Variants in SYNDIG1 observed in about 807,000 individuals in gnomAD.
SYNDIG1 encodes the protein synapse differentiation-inducing gene protein 1.
SYNDIG1 carries 9 observed loss-of-function variants against 19.4 expected under a neutral mutation model. The ratio of observed to expected loss-of-function variants is 0.46; its 90% CI spans 0.28 to 0.81. The LOEUF (loss-of-function observed/expected upper bound fraction) is 0.81, where lower values mean the gene tolerates loss of function less well. Ranked by LOEUF, SYNDIG1 falls within the 30% of genes least tolerant of loss-of-function variation. The pLI is 0.12. For synonymous variants in SYNDIG1, 141 were observed against 145.9 expected (o/e 0.97, Z 0.24); for missense variants, 311 against 343.3 (o/e 0.91, Z 0.74).
chr20:24,553,932 T>C (rs1394198945), intron 2 of SYNDIG1, among the ~76,000 whole-genome samples: 1 of 152,256 alleles, frequency 6.6e-6, no homozygotes, highest in East Asian at 1.9e-4. Context: ...TGTTTCTTCC[T>C]ACCCATGAGC....
intron 3 of SYNDIG1, among the ~76,000 whole-genome samples, chr20:24,628,564 T>C (rs2059193245): frequency 6.6e-6 from 1 of 152,184 alleles, no homozygotes; most frequent in African/African-American, 2.4e-5. Context: ...AGAAAGGCAA[T>C]ATCAATGCAT....
At chr20:24,548,766 C>T (rs1207105524) in intron 2 of SYNDIG1, among the ~76,000 whole-genome samples, 1 of 152,128 alleles carries the variant, frequency 6.6e-6, no homozygotes, top group Non-Finnish European at 1.5e-5. Context: ...TGTGAGTGAA[C>T]GAACATCCTT....
intron 3 of SYNDIG1, among the ~76,000 whole-genome samples, chr20:24,624,544 T>C (rs1033548388): frequency 6.6e-6 from 1 of 152,026 alleles, no homozygotes; most frequent in Non-Finnish European, 1.5e-5. Context: ...AGTCAAAACA[T>C]GAGGCAAAAA....
chr20:24,591,097 TGTGTGTG>T (rs2058503939), intron 3 of SYNDIG1, among the ~76,000 whole-genome samples: 1 of 152,000 alleles, frequency 6.6e-6, no homozygotes, highest in Non-Finnish European at 1.5e-5. Context: ...TGTGTGTGTG[TGTGTGTG>T]TGTGCACTTT....
chr20:24,663,330 G>A (rs910861000), intron 3 of SYNDIG1, among the ~76,000 whole-genome samples: 17 of 152,284 alleles, frequency 1.1e-4, no homozygotes, highest in East Asian at 1.9e-4. Flanking sequence ...GTCCCCCAGC[G>A]TGGAGAATGA....
intron 2 of SYNDIG1, among the ~76,000 whole-genome samples, chr20:24,557,899 G>A (rs1036924539): frequency 1.1e-4 from 16 of 152,342 alleles, no homozygotes; most frequent in South Asian, 4.1e-4. Flanking sequence ...GCTGTAGACC[G>A]GAGCTGTTCC....
At chr20:24,604,130 T>C (rs2058719146) in intron 3 of SYNDIG1, among the ~76,000 whole-genome samples, 1 of 152,234 alleles carries the variant, frequency 6.6e-6, no homozygotes, top group African/African-American at 2.4e-5. Context: ...TTCTTTTTTT[T>C]TCAAAGTTGT....
chr20:24,546,169 A>C (rs937805354), intron 2 of SYNDIG1, among the ~76,000 whole-genome samples: 2 of 152,234 alleles, frequency 1.3e-5, no homozygotes, highest in South Asian at 4.1e-4. Flanking sequence ...AAACATTCTT[A>C]CAGTATAGCT....
At chr20:24,616,347 AC>A (rs2058931955) in intron 3 of SYNDIG1, among the ~76,000 whole-genome samples, 1 of 151,982 alleles carries the variant, frequency 6.6e-6, no homozygotes, top group Non-Finnish European at 1.5e-5. Flanking sequence ...CCTCCTTCCC[AC>A]CCAGCTCAAG....
intron 1 of SYNDIG1, among the ~76,000 whole-genome samples, chr20:24,485,444 C>G (rs1331464497): frequency 6.6e-6 from 1 of 152,146 alleles, no homozygotes; most frequent in Non-Finnish European, 1.5e-5. Context: ...TTCCATCTCT[C>G]TCCAATGTTT....
intron 3 of SYNDIG1, among the ~76,000 whole-genome samples, chr20:24,587,511 G>A (rs1052675770): frequency 1.3e-5 from 2 of 152,360 alleles, no homozygotes; most frequent in South Asian, 2.1e-4. Flanking sequence ...TTTACAGCCC[G>A]CACCGCAGAT....
At chr20:24,661,473 G>GGAGTTA (rs2059592702) in intron 3 of SYNDIG1, among the ~76,000 whole-genome samples, 1 of 123,410 alleles carries the variant, frequency 8.1e-6, no homozygotes, top group Non-Finnish European at 1.7e-5. Context: ...GAAGGAGGGA[G>GGAGTTA]GGAAGAGGGA....
intron 1 of SYNDIG1, among the ~76,000 whole-genome samples, chr20:24,530,775 G>A (rs1325252977): frequency 6.6e-6 from 1 of 151,270 alleles, no homozygotes; most frequent in African/African-American, 2.4e-5. Context: ...AATTAGTTTT[G>A]TGGGGGGTTT....
intron 3 of SYNDIG1, among the ~76,000 whole-genome samples, chr20:24,596,271 T>C (rs2058593043): frequency 6.6e-6 from 1 of 152,232 alleles, no homozygotes. Context: ...TGGTTTTAAG[T>C]GATTTTCCTT....
intron 3 of SYNDIG1, among the ~76,000 whole-genome samples, chr20:24,626,368 C>T (rs909263893): frequency 1.3e-5 from 2 of 151,104 alleles, no homozygotes; most frequent in Admixed American, 6.6e-5. Flanking sequence ...ACAGGACGGC[C>T]GGGCAGAGAC....
chr20:24,598,607 A>G (rs1182854102), intron 3 of SYNDIG1, among the ~76,000 whole-genome samples: 1 of 152,256 alleles, frequency 6.6e-6, no homozygotes, highest in African/African-American at 2.4e-5. Flanking sequence ...GAAATCCACA[A>G]GCACCTCTAG....
chr20:24,479,484 C>T (rs2055734185), intron 1 of SYNDIG1, among the ~76,000 whole-genome samples: 3 of 152,178 alleles, frequency 2.0e-5, no homozygotes, highest in South Asian at 4.1e-4. Context: ...TGAACCCATT[C>T]TCTATCTGCT....
At chr20:24,566,477 G>T (rs960073360) in intron 2 of SYNDIG1, among the ~76,000 whole-genome samples, 1 of 152,210 alleles carries the variant, frequency 6.6e-6, no homozygotes, top group Non-Finnish European at 1.5e-5. Context: ...AGCCCTGCGG[G>T]TATCCTGATT....
At chr20:24,575,940 A>C (rs1265316354) in intron 2 of SYNDIG1, among the ~76,000 whole-genome samples, 1 of 152,036 alleles carries the variant, frequency 6.6e-6, no homozygotes, top group South Asian at 2.1e-4. Flanking sequence ...CATCCACCCC[A>C]CACCCCCCAC....
Sources: gnomAD v4.1 joint callset for allele counts (sites outside exome capture counted in the v4.1 genomes callset) on GRCh38, gnomAD v4.1.1 for gene constraint, MANE v1.5 for transcripts, NCBI Gene and HGNC (gene_info 2026-07-23, HGNC 2026-07-21) for gene names.